The following OTUD7A variants were observed in gnomAD, a reference collection of about 807,000 sequenced individuals.
OTUD7A encodes the protein OTU deubiquitinase 7A.
A neutral mutation model predicts 65.7 loss-of-function variants in OTUD7A; 12 were observed. The ratio of observed to expected loss-of-function variants is 0.18; its 90% confidence interval spans 0.12 to 0.30. The LOEUF is 0.30. Ranked by LOEUF, OTUD7A falls within the 10% of genes least tolerant of loss-of-function variation. The pLI is 1.00. For missense variants in OTUD7A, 1,148 were observed against 1,304.8 expected (o/e 0.88, Z 1.85); for synonymous variants, 641 against 586.3 (o/e 1.09, Z -1.35).
chr15:31,624,642 A>G (rs1242898278), intron 3 of OTUD7A, among the ~76,000 whole-genome samples: 1 of 152,180 alleles, frequency 6.6e-6, no homozygotes, highest in Middle Eastern at 3.2e-3. Flanking sequence ...GTTCCATTTC[A>G]GTGTTGCGGA....
At chr15:31,831,233 G>A (rs1226831693) in intron 1 of OTUD7A, among the ~76,000 whole-genome samples, 2 of 152,106 alleles carry the variant, frequency 1.3e-5, no homozygotes, top group Non-Finnish European at 2.9e-5. Context: ...TCATGCCTTA[G>A]CATAGGCAAA....
At chr15:31,727,837 C>T (rs1893935266) in intron 1 of OTUD7A, among the ~76,000 whole-genome samples, 3 of 152,290 alleles carry the variant, frequency 2.0e-5, no homozygotes, top group South Asian at 2.1e-4. Flanking sequence ...ACTTCTCAGC[C>T]GCCCCTTCTG....
chr15:31,564,629 G>T (rs1005300746), intron 4 of OTUD7A, among the ~76,000 whole-genome samples: 1 of 152,052 alleles, frequency 6.6e-6, no homozygotes, highest in Non-Finnish European at 1.5e-5. Flanking sequence ...AGCAGTAATT[G>T]CAATGTGAGT....
intron 3 of OTUD7A, among the ~76,000 whole-genome samples, chr15:31,630,847 T>C (rs1891124414): frequency 6.6e-6 from 1 of 152,294 alleles, no homozygotes; most frequent in South Asian, 2.1e-4. Context: ...TGTAATGGCC[T>C]TCTTTGTCTC....
chr15:31,834,305 C>T (rs1897003797), intron 1 of OTUD7A, among the ~76,000 whole-genome samples: 1 of 152,206 alleles, frequency 6.6e-6, no homozygotes, highest in Non-Finnish European at 1.5e-5. Flanking sequence ...ACAGGAAGCT[C>T]CAGGGACCAG....
intron 3 of OTUD7A, among the ~76,000 whole-genome samples, chr15:31,645,044 T>C: frequency 6.6e-6 from 1 of 152,194 alleles, no homozygotes; most frequent in Admixed American, 6.5e-5. Context: ...TCTCTCTGTG[T>C]AGCTGTCTCC....
At position 31,477,164 on chromosome 15, in the gene OTUD7A, A is replaced by C. The variant is rs550800432; in HGVS notation, c.*6130T>G. The C allele has an allele frequency of 1.3e-5, 2 of 152,402 alleles. No individual in the cohort carries two copies. Among genetic ancestry groups the C allele is most frequent in the Non-Finnish European group, 2.9e-5 (2 of 68,064 alleles). 9.4% of individuals were successfully genotyped at this position (152,402 alleles called of 1,614,324 possible). ...CCTGAGCCGGTTAATGTTTGTGACA[A>C]GCTCCTCTTCCTCTGCAGCCTTGCT... On this transcript the variant is annotated 3_prime_UTR_variant, in exon 13 of 13. Transcript: ENST00000307050.
intron 1 of OTUD7A, among the ~76,000 whole-genome samples, chr15:31,845,162 A>C (rs375179256): frequency 4.6e-5 from 7 of 152,320 alleles, no homozygotes; most frequent in African/African-American, 1.4e-4. Flanking sequence ...ATAATTAAAA[A>C]GCAGGATTCT....
intron 1 of OTUD7A, among the ~76,000 whole-genome samples, chr15:31,728,507 C>T (rs553624126): frequency 6.6e-6 from 1 of 152,328 alleles, no homozygotes; most frequent in South Asian, 2.1e-4. Context: ...CTTTCTGTGA[C>T]CTGGGCAGCC....
At chr15:31,839,694 T>A (rs1335144407) in intron 1 of OTUD7A, among the ~76,000 whole-genome samples, 1 of 152,076 alleles carries the variant, frequency 6.6e-6, no homozygotes, top group African/African-American at 2.4e-5. Context: ...AGAAACTAAC[T>A]TGTGTGTGTG....
intron 1 of OTUD7A, among the ~76,000 whole-genome samples, chr15:31,823,705 C>G (rs1022817654): frequency 6.6e-6 from 1 of 152,098 alleles, no homozygotes; most frequent in Admixed American, 6.5e-5. Flanking sequence ...TCTGATTGCA[C>G]GTGTACCTTA....
At chr15:31,715,501 C>T (rs1893560378) in intron 1 of OTUD7A, among the ~76,000 whole-genome samples, 1 of 151,310 alleles carries the variant, frequency 6.6e-6, no homozygotes, top group Admixed American at 6.6e-5. Flanking sequence ...GAACTACATT[C>T]CCCATTATTT....
At chr15:31,868,941 C>T (rs370403394) in intron 1 of OTUD7A, among the ~76,000 whole-genome samples, 1 of 152,186 alleles carries the variant, frequency 6.6e-6, no homozygotes, top group South Asian at 2.1e-4. Context: ...AAATTCCTTA[C>T]AGATCCAATA....
At chr15:31,688,518 G>A (rs190644958) in intron 1 of OTUD7A, among the ~76,000 whole-genome samples, 1,671 of 151,966 alleles carry the variant, frequency 0.011, 19 homozygotes, top group Non-Finnish European at 0.017. Flanking sequence ...ATACTTAATT[G>A]AACACTAGGC....
intron 1 of OTUD7A, among the ~76,000 whole-genome samples, chr15:31,678,362 T>G (rs570485860): frequency 6.6e-6 from 1 of 152,138 alleles, no homozygotes; most frequent in Non-Finnish European, 1.5e-5. Context: ...GAAATGTACA[T>G]AAGTAATGAG....
rs375503883 is a variant in OTUD7A at position 31,503,791 on chromosome 15, G to A, written c.921C>T (p.Tyr307=). 9 of 1,614,038 alleles carry A rather than the reference G, an allele frequency of 5.6e-6. No individual in the cohort carries two copies. Among genetic ancestry groups the A allele is most frequent in the Middle Eastern group, 1.6e-4 (1 of 6,084 alleles). The change falls in exon 9 of 13, where the codon TAC becomes TAT. Residue 307 remains tyrosine, a synonymous_variant. Coordinates refer to ENST00000307050, the MANE Select transcript of OTUD7A (RefSeq NM_001382637.1). ...GGVDNSEDPV[Y]ESLEEFHVFV... Reference sequence around the variant, plus strand: ...AAACGTGGAACTCTTCCAGGCTCTCGTACACGGGGTCCTCAGAGTTGTCCA... The same window carrying A: ...AAACGTGGAACTCTTCCAGGCTCTCATACACGGGGTCCTCAGAGTTGTCCA...
intron 3 of OTUD7A, among the ~76,000 whole-genome samples, chr15:31,629,587 T>A (rs905145883): frequency 6.6e-6 from 1 of 152,220 alleles, no homozygotes; most frequent in Non-Finnish European, 1.5e-5. Flanking sequence ...GGCTTTGGTA[T>A]CAGGATGATG....
chr15:31,517,435 G>A (rs1321458655), intron 8 of OTUD7A, among the ~76,000 whole-genome samples: 1 of 152,210 alleles, frequency 6.6e-6, no homozygotes. Flanking sequence ...CTTCTTGTGA[G>A]TTTGCTGAGC....
chr15:31,811,226 C>G (rs1248009563), intron 1 of OTUD7A, among the ~76,000 whole-genome samples: 1 of 151,872 alleles, frequency 6.6e-6, no homozygotes, highest in African/African-American at 2.4e-5. Flanking sequence ...TCTAGTAGAG[C>G]AGGAATGGAA....
Sources: gnomAD v4.1 joint callset for allele counts (sites outside exome capture counted in the v4.1 genomes callset) on GRCh38, gnomAD v4.1.1 for gene constraint, MANE v1.5 for transcripts, NCBI Gene and HGNC (gene_info 2026-07-23, HGNC 2026-07-21) for gene names.